The following SAMD12 variants were observed in gnomAD, a reference collection of about 807,000 sequenced individuals.
SAMD12 encodes sterile alpha motif domain containing 12.
A neutral mutation model predicts 15.0 loss-of-function variants in SAMD12; 9 were observed. The observed-to-expected ratio is 0.60, with a 90% CI of 0.36 to 1.05. The LOEUF is 1.05. SAMD12 is among the 50% of genes least tolerant of loss of function. The pLI is 0.01. For missense variants in SAMD12, 230 were observed against 234.2 expected (o/e 0.98, Z 0.12); for synonymous variants, 86 against 90.1 (o/e 0.96, Z 0.25).
chr8:118,457,674 A>G (rs1230868166), intron 2 of SAMD12, among the ~76,000 whole-genome samples: 1 of 152,186 alleles, frequency 6.6e-6, no homozygotes, highest in Admixed American at 6.5e-5. Context: ...CCTTTCCAGA[A>G]AACAGTATGA....
At chr8:118,429,094 A>T (rs1308574303) in intron 3 of SAMD12, among the ~76,000 whole-genome samples, 1 of 146,496 alleles carries the variant, frequency 6.8e-6, no homozygotes, top group Non-Finnish European at 1.5e-5. Context: ...CCATTTATTT[A>T]GATATTTAAT....
intron 2 of SAMD12, among the ~76,000 whole-genome samples, chr8:118,507,178 T>G (rs1256592824): frequency 1.3e-5 from 2 of 152,016 alleles, no homozygotes; most frequent in African/African-American, 4.8e-5. Flanking sequence ...CCTTCCCATC[T>G]TTCCAGTTCT....
intron 2 of SAMD12, among the ~76,000 whole-genome samples, chr8:118,524,197 C>A (rs1299988081): frequency 6.6e-6 from 1 of 152,098 alleles, no homozygotes; most frequent in Admixed American, 6.6e-5. Context: ...CCACTTCTAA[C>A]AGGCTTTTTC....
intron 2 of SAMD12, among the ~76,000 whole-genome samples, chr8:118,440,691 C>CACAA (rs1270914034): frequency 3.4e-5 from 4 of 119,330 alleles, no homozygotes; most frequent in African/African-American, 1.2e-4. Context: ...CACACACACA[C>CACAA]ACACAAACAC....
intron 1 of SAMD12, among the ~76,000 whole-genome samples, chr8:118,608,072 T>C (rs1209976528): frequency 6.6e-6 from 1 of 152,188 alleles, no homozygotes; most frequent in Non-Finnish European, 1.5e-5. Context: ...ATCTCTCTCT[T>C]GCTATAACTA....
intron 4 of SAMD12, among the ~76,000 whole-genome samples, chr8:118,214,834 G>A (rs1811916160): frequency 6.6e-6 from 1 of 152,196 alleles, no homozygotes; most frequent in Non-Finnish European, 1.5e-5. Context: ...TGGCTTAGGA[G>A]AGGGTGCCTT....
chr8:118,531,604 T>G (rs112822155), intron 2 of SAMD12, among the ~76,000 whole-genome samples: 12 of 152,360 alleles, frequency 7.9e-5, no homozygotes, highest in African/African-American at 2.4e-4. Context: ...TTTATTTTGT[T>G]GAGCAGTAGT....
chr8:118,460,999 C>A (rs1048331350), intron 2 of SAMD12, among the ~76,000 whole-genome samples: 1 of 152,188 alleles, frequency 6.6e-6, no homozygotes, highest in Non-Finnish European at 1.5e-5. Context: ...AATGGTTTAC[C>A]TGGTTAGGAT....
Position 118,208,067 on chromosome 8 carries a change from G to A in SAMD12, c.434-10335C>T, listed in dbSNP as rs573304474. Among the ~76,000 whole-genome samples the A allele has an allele frequency of 2.3e-3, 345 of 152,146 alleles. 2 individuals are homozygous for A. The highest frequency in any genetic ancestry group is 4.4e-3 in the Non-Finnish European group (300 of 68,002). On this transcript the variant is annotated intron_variant, in intron 4 of 4. Coordinates refer to the SAMD12 transcript ENST00000409003. ...GAGGTCGGGAGTTCGAGACCAGTCT[G>A]ATCAACATGGAGAAACCCCGTCTCT...
At chr8:118,201,176 T>C (rs1237744853) in intron 4 of SAMD12, among the ~76,000 whole-genome samples, 1 of 152,078 alleles carries the variant, frequency 6.6e-6, no homozygotes, top group Non-Finnish European at 1.5e-5. Context: ...AAGGGGGAAA[T>C]ATGTGGTCTT....
the SAMD12 span, among the ~76,000 whole-genome samples, chr8:118,134,305 C>A: frequency 6.6e-6 from 1 of 152,214 alleles, no homozygotes; most frequent in African/African-American, 2.4e-5. Flanking sequence ...CTCTCAACCC[C>A]ATGCAGCTGG....
intron 2 of SAMD12, among the ~76,000 whole-genome samples, chr8:118,556,641 T>C (rs1826539632): frequency 6.6e-6 from 1 of 152,168 alleles, no homozygotes; most frequent in Non-Finnish European, 1.5e-5. Flanking sequence ...ACAGAGTTTA[T>C]CCTCAAGAAA....
At chr8:118,550,321 G>T (rs1826284427) in intron 2 of SAMD12, among the ~76,000 whole-genome samples, 1 of 152,242 alleles carries the variant, frequency 6.6e-6, no homozygotes, top group South Asian at 2.1e-4. Context: ...CAGACTAACA[G>T]TGGATCTCTC....
intron 2 of SAMD12, among the ~76,000 whole-genome samples, chr8:118,451,597 G>C (rs1469564049): frequency 6.6e-6 from 1 of 152,182 alleles, no homozygotes; most frequent in Non-Finnish European, 1.5e-5. Flanking sequence ...TCATTTTATA[G>C]AAAAGAGAGG....
intron 4 of SAMD12, among the ~76,000 whole-genome samples, chr8:118,368,187 T>G (rs185100222): frequency 6.6e-6 from 1 of 152,156 alleles, no homozygotes; most frequent in Non-Finnish European, 1.5e-5. Context: ...TTGAAATGTG[T>G]CGGGGGAAAT....
chr8:118,609,282 G>A (rs774443380), intron 1 of SAMD12, among the ~76,000 whole-genome samples: 8 of 152,306 alleles, frequency 5.3e-5, no homozygotes, highest in East Asian at 1.9e-4. Flanking sequence ...GACAACAAAC[G>A]AAGTGGGTTC....
rs115421830 is a variant in SAMD12 at position 118,348,171 on chromosome 8, A to G, written c.433+31389T>C. ...GGCTCACTGCAGCCTCTGCCTCCCA[A>G]TATCAAGTGATCCTCCCACCTCAGC... On this transcript the variant is annotated intron_variant, in intron 4 of 4. Transcript: ENST00000409003. Among the ~76,000 whole-genome samples the G allele has an allele frequency of 6.2e-3, 943 of 152,094 alleles. 14 individuals carry two copies. The highest frequency in any genetic ancestry group is 0.02 in the African/African-American group (848 of 41,486).
At chr8:118,424,447 C>T (rs1822155939) in intron 3 of SAMD12, among the ~76,000 whole-genome samples, 1 of 152,100 alleles carries the variant, frequency 6.6e-6, no homozygotes, top group African/African-American at 2.4e-5. Context: ...GAAGGTCACA[C>T]ACCGTGAATA....
chr8:118,589,950 A>T (rs144108724), intron 1 of SAMD12, among the ~76,000 whole-genome samples: 309 of 152,280 alleles, frequency 2.0e-3, no homozygotes, highest in African/African-American at 6.3e-3. Context: ...GATGGACATT[A>T]TATATGAGAC....
Sources: allele counts gnomAD v4.1 joint callset (sites outside exome capture counted in the v4.1 genomes callset), GRCh38; gene constraint gnomAD v4.1.1; transcripts MANE v1.5; gene names NCBI Gene and HGNC (gene_info 2026-07-23, HGNC 2026-07-21).